The following PDZD9 variants were observed in gnomAD, a reference collection of about 807,000 sequenced individuals.
The protein encoded by PDZD9 is PDZ domain containing 9.
A neutral mutation model predicts 16.3 loss-of-function variants in PDZD9; 13 were observed. The observed-to-expected ratio is 0.80, with a 90% confidence interval of 0.52 to 1.27. The LOEUF is 1.27. PDZD9 is among the 50% of genes most tolerant of loss of function. The pLI is 0.00. For missense variants in PDZD9, 288 were observed against 310.9 expected, an observed-to-expected ratio of 0.93 and a Z score of 0.55; for synonymous variants, 120 against 111.0, an observed-to-expected ratio of 1.08 and a Z score of -0.51.
At chr16:21,989,149 T>C (rs1374788860) in intron 2 of PDZD9, among the ~76,000 whole-genome samples, 3 of 151,722 alleles carry the variant, frequency 2.0e-5, no homozygotes, top group Non-Finnish European at 4.4e-5. Context: ...GCCAGGCTGG[T>C]CTCAAACTCC....
the PDZD9 span, chr16:21,962,603 C>G: frequency 6.3e-7 from 1 of 1,595,668 alleles, no homozygotes. Flanking sequence ...TCATTATGAC[C>G]TCTGACTTCC....
At chr16:21,957,611 C>G in the PDZD9 span, 1 of 1,588,722 alleles carries the variant, frequency 6.3e-7, no homozygotes, top group Non-Finnish European at 8.5e-7. Context: ...GCTGTGGTAT[C>G]TTGGTCCTGT....
intron 2 of PDZD9, among the ~76,000 whole-genome samples, chr16:21,991,691 C>T (rs1371102414): frequency 6.6e-6 from 1 of 152,146 alleles, no homozygotes; most frequent in East Asian, 1.9e-4. Context: ...AATTTCAGCA[C>T]ATAGATAAAA....
the PDZD9 span, among the ~76,000 whole-genome samples, chr16:21,965,165 T>A: frequency 1.3e-5 from 2 of 152,186 alleles, no homozygotes; most frequent in Non-Finnish European, 2.9e-5. Context: ...AGAAAAGTGG[T>A]TTAGGTGGAC....
chr16:21,990,690 G>A (rs953142776), intron 2 of PDZD9, among the ~76,000 whole-genome samples: 1 of 152,200 alleles, frequency 6.6e-6, no homozygotes, highest in Non-Finnish European at 1.5e-5. Context: ...CCCCGGATGA[G>A]CTTACTTACC....
chr16:21,974,344 A>C, the PDZD9 span, among the ~76,000 whole-genome samples: 1 of 152,210 alleles, frequency 6.6e-6, no homozygotes, highest in African/African-American at 2.4e-5. Context: ...ATTGTAGGAA[A>C]AGAAAACTAA....
At chr16:21,974,444 T>C in the PDZD9 span, among the ~76,000 whole-genome samples, 1 of 152,126 alleles carries the variant, frequency 6.6e-6, no homozygotes, top group African/African-American at 2.4e-5. Flanking sequence ...GAAGCTGATA[T>C]ATTTGAAGGA....
At chr16:21,971,643 GTTAAT>G in the PDZD9 span, 2 of 1,608,076 alleles carry the variant, frequency 1.2e-6, no homozygotes, top group Non-Finnish European at 1.7e-6. Flanking sequence ...TTCTATTAGG[GTTAAT>G]TTATCAGAAG....
chr16:21,986,718 A>G (rs1438719045), intron 3 of PDZD9, among the ~76,000 whole-genome samples: 2 of 152,250 alleles, frequency 1.3e-5, no homozygotes, highest in African/African-American at 4.8e-5. Flanking sequence ...AGGGAAACAC[A>G]GTGAACAACT....
chr16:21,987,406 G>A (rs1898904210), intron 3 of PDZD9, among the ~76,000 whole-genome samples: 1 of 152,018 alleles, frequency 6.6e-6, no homozygotes, highest in Non-Finnish European at 1.5e-5. Context: ...GGTGACAAGA[G>A]CAAAACCTCG....
the PDZD9 span, chr16:21,968,598 T>A: frequency 1.3e-6 from 2 of 1,572,270 alleles, no homozygotes; most frequent in South Asian, 2.3e-5. Flanking sequence ...TATGCTAATA[T>A]AACCTAATAA....
the PDZD9 span, chr16:21,976,331 C>G: frequency 4.4e-6 from 5 of 1,137,228 alleles, no homozygotes; most frequent in Non-Finnish European, 6.6e-6. Flanking sequence ...AATCTATGCT[C>G]ATAAGGACTG....
At chr16:21,968,693 T>G in the PDZD9 span, 1 of 1,604,702 alleles carries the variant, frequency 6.2e-7, no homozygotes, top group Non-Finnish European at 8.5e-7. Flanking sequence ...TTGGTAAGTT[T>G]AGAGTATTGC....
At position 21,993,083 on chromosome 16, in the gene PDZD9, C is replaced by T. The variant is rs570315579; in HGVS notation, c.211+3239G>A. ...GTTTCCTGAGGCCACCCCAGCCGTA[C>T]GGAACTGTGAGTCAATTAAACCTCC... On this transcript the variant is annotated intron_variant, in intron 2 of 3. Transcript: ENST00000424898. 3.3e-5 allele frequency among the ~76,000 whole-genome samples: 5 copies of T among 152,256 alleles called. No homozygotes were observed. The South Asian group carries it at 6.2e-4, about 19-fold the overall frequency.
the PDZD9 span, chr16:21,976,593 T>G: frequency 1.3e-4 from 27 of 214,666 alleles, no homozygotes; most frequent in Non-Finnish European, 2.2e-4. Flanking sequence ...TAAACATAAT[T>G]GTTAATATTG....
chr16:21,957,578 C>T, the PDZD9 span: 2 of 1,613,078 alleles, frequency 1.2e-6, no homozygotes, highest in Admixed American at 3.3e-5. Context: ...TGAGTATCTT[C>T]ACTTCCTCAA....
At chr16:21,980,613 G>T, downstream of PDZD9, 1 of 1,614,138 alleles carries the variant, frequency 6.2e-7, no homozygotes, top group Non-Finnish European at 8.5e-7. Flanking sequence ...AAGAAGTCGG[G>T]TCCCAGGCTC....
chr16:21,963,962 T>C, the PDZD9 span, among the ~76,000 whole-genome samples: 1 of 152,236 alleles, frequency 6.6e-6, no homozygotes, highest in Non-Finnish European at 1.5e-5. Context: ...ATATAATGTC[T>C]AATTATATAA....
chr16:21,980,894 C>T (rs1176842579), downstream of PDZD9, among the ~76,000 whole-genome samples: 1 of 152,108 alleles, frequency 6.6e-6, no homozygotes, highest in East Asian at 1.9e-4. Context: ...GTATATGTAT[C>T]TTCCTCCTTC....
Sources: allele counts gnomAD v4.1 joint callset (sites outside exome capture counted in the v4.1 genomes callset), GRCh38; gene constraint gnomAD v4.1.1; transcripts MANE v1.5; gene names NCBI Gene and HGNC (gene_info 2026-07-23, HGNC 2026-07-21).